The following ATP13A5 variants were observed in gnomAD, a reference collection of about 807,000 sequenced individuals.
ATP13A5 encodes the protein probable cation-transporting ATPase 13A5.
Under a neutral mutation model 150.2 loss-of-function variants are expected in ATP13A5, and 149 were observed. The observed-to-expected ratio is 0.99, with a 90% confidence interval of 0.87 to 1.14. ATP13A5 has a LOEUF of 1.14. Ranked by LOEUF, ATP13A5 falls within the 50% of genes most tolerant of loss-of-function variation. ATP13A5 has a pLI of 0.00. For synonymous variants in ATP13A5, 497 were observed against 522.2 expected (o/e 0.95, Z 0.66); for missense variants, 1,383 against 1,449.3 (o/e 0.95, Z 0.74).
At chr3:193,302,031 G>A (rs1011449485) in intron 23 of ATP13A5, among the ~76,000 whole-genome samples, 3 of 152,194 alleles carry the variant, frequency 2.0e-5, no homozygotes, top group African/African-American at 7.2e-5. Context: ...AGAAAAAAAT[G>A]TGAGGTAGCA....
chr3:193,291,002 G>A (rs1024223984), intron 25 of ATP13A5, among the ~76,000 whole-genome samples: 2 of 152,088 alleles, frequency 1.3e-5, no homozygotes, highest in Non-Finnish European at 2.9e-5. Context: ...GAAGTGGGGT[G>A]TGCATATTTA....
At chr3:193,280,227 G>T (rs1247806629) in intron 27 of ATP13A5, among the ~76,000 whole-genome samples, 2 of 151,858 alleles carry the variant, frequency 1.3e-5, no homozygotes, top group African/African-American at 4.8e-5. Context: ...AATTTTTTTT[G>T]TATTTTCCAT....
At chr3:193,352,804 TA>T (rs1375877027) in intron 6 of ATP13A5, among the ~76,000 whole-genome samples, 3 of 152,182 alleles carry the variant, frequency 2.0e-5, no homozygotes, top group African/African-American at 7.2e-5. Context: ...TTTTTAATAT[TA>T]AAAAGATATG....
At position 193,284,902 on chromosome 3, in the gene ATP13A5, T is replaced by G. The variant is rs2108821103; in HGVS notation, c.3226+12A>C. On this transcript the variant is annotated intron_variant, in intron 27 of 29. Transcript: ENST00000342358. ...AATATTCAGAAAGAAAAATTAAACT[T>G]TATATACTTACAGTTTGTATAGATG... The G allele has an allele frequency of 5.0e-6, 8 of 1,595,558 alleles. No individual in the cohort carries two copies. Among genetic ancestry groups the G allele is most frequent in the Non-Finnish European group, 6.9e-6 (8 of 1,167,678 alleles).
At chr3:193,322,211 A>G (rs1050076248) in intron 15 of ATP13A5, among the ~76,000 whole-genome samples, 6 of 151,988 alleles carry the variant, frequency 3.9e-5, no homozygotes, top group Non-Finnish European at 8.8e-5. Flanking sequence ...ACCTATATTG[A>G]TTTTTCTATG....
chr3:193,287,692 G>C lies in ATP13A5; in HGVS notation c.3023+2193C>G, dbSNP rs138730985. On this transcript the variant is annotated intron_variant, in intron 26 of 29. Coordinates refer to ENST00000342358, the MANE Select transcript of ATP13A5 (RefSeq NM_198505.4). ...GATGTATAAGGAAATTAATGTTTTCGTGCCTGCTAATACACATCTATTCTG... is the reference window on the plus strand; with the variant it reads ...GATGTATAAGGAAATTAATGTTTTCCTGCCTGCTAATACACATCTATTCTG... Among the ~76,000 whole-genome samples the C allele has an allele frequency of 4.9e-4, 75 of 152,204 alleles. No individual in the cohort carries two copies. The East Asian group carries it at 6.0e-3, about 12-fold the overall frequency.
chr3:193,294,857 C>A (rs1718102316), intron 25 of ATP13A5, among the ~76,000 whole-genome samples: 1 of 152,228 alleles, frequency 6.6e-6, no homozygotes, highest in Admixed American at 6.5e-5. Flanking sequence ...CTTAAGTAGG[C>A]TACAATTGAA....
intron 1 of ATP13A5, among the ~76,000 whole-genome samples, chr3:193,376,282 G>C (rs910126921): frequency 6.6e-6 from 1 of 152,226 alleles, no homozygotes; most frequent in Non-Finnish European, 1.5e-5. Context: ...GGCAGATCCA[G>C]TGTCTGATGA....
At chr3:193,279,221 T>C (rs1390265207) in intron 28 of ATP13A5, 145 bp downstream of exon 28, 4 of 606,766 alleles carry the variant, frequency 6.6e-6, no homozygotes, top group Non-Finnish European at 1.2e-5. Context: ...AATCCAGATA[T>C]CTTATTTGCC....
intron 1 of ATP13A5, among the ~76,000 whole-genome samples, chr3:193,366,404 A>T (rs1713238331): frequency 6.6e-6 from 1 of 152,054 alleles, no homozygotes; most frequent in Non-Finnish European, 1.5e-5. Flanking sequence ...AAAGAAGGGG[A>T]AAGTATACTG....
chr3:193,299,603 C>T (rs1718324195), intron 24 of ATP13A5, among the ~76,000 whole-genome samples: 1 of 152,124 alleles, frequency 6.6e-6, no homozygotes, highest in South Asian at 2.1e-4. Context: ...TCTCCATCCT[C>T]ACCCATGGTA....
At chr3:193,284,225 G>T (rs772925494) in intron 27 of ATP13A5, among the ~76,000 whole-genome samples, 2 of 151,656 alleles carry the variant, frequency 1.3e-5, no homozygotes, top group Non-Finnish European at 2.9e-5. Flanking sequence ...AGGTCTCACT[G>T]TGTTGCCCAG....
chr3:193,299,001 TA>T (rs1718283639), intron 25 of ATP13A5, 129 bp downstream of exon 25: 1 of 698,264 alleles, frequency 1.4e-6, no homozygotes, highest in Non-Finnish European at 2.4e-6. Flanking sequence ...ATATCACTTT[TA>T]AAAAATTGTA....
At chr3:193,327,162 G>A in intron 12 of ATP13A5, 105 bp from the exon 13 acceptor site, 1 of 991,088 alleles carries the variant, frequency 1.0e-6, no homozygotes. Flanking sequence ...AGATCCAGTA[G>A]TCTAAATACC....
At chr3:193,331,346 C>CCAG (rs1407285164) in intron 11 of ATP13A5, 35 bp from the exon 12 acceptor site, 1 of 1,581,842 alleles carries the variant, frequency 6.3e-7, no homozygotes, top group African/African-American at 1.3e-5. Context: ...ACAGGATAGC[C>CCAG]CAGCACAGCA....
At chr3:193,331,998 A>G (rs989805190) in intron 11 of ATP13A5, among the ~76,000 whole-genome samples, 1 of 152,130 alleles carries the variant, frequency 6.6e-6, no homozygotes, top group African/African-American at 2.4e-5. Context: ...TTATCAAGTC[A>G]ATTTTGTGAA....
intron 1 of ATP13A5, among the ~76,000 whole-genome samples, chr3:193,367,674 C>T (rs1021501458): frequency 1.3e-4 from 20 of 152,206 alleles, no homozygotes; most frequent in Non-Finnish European, 2.8e-4. Context: ...ATTTAAAAAT[C>T]AGTCAATGTA....
intron 25 of ATP13A5, among the ~76,000 whole-genome samples, chr3:193,296,931 T>C (rs1718197369): frequency 6.6e-6 from 1 of 151,940 alleles, no homozygotes; most frequent in Non-Finnish European, 1.5e-5. Flanking sequence ...CATGGACACA[T>C]AGTGGGAGAC....
chr3:193,314,316 T>C (rs959846554), intron 18 of ATP13A5, 123 bp from the exon 19 acceptor site: 1 of 1,064,904 alleles, frequency 9.4e-7, no homozygotes, highest in Admixed American at 2.3e-5. Context: ...TCTGCCTTAT[T>C]TTATCTTCCT....
Sources: gnomAD v4.1 joint callset for allele counts (sites outside exome capture counted in the v4.1 genomes callset) on GRCh38, gnomAD v4.1.1 for gene constraint, MANE v1.5 for transcripts, NCBI Gene and HGNC (gene_info 2026-07-23, HGNC 2026-07-21) for gene names.